Variants in SLC35F1 observed in about 807,000 individuals in gnomAD.
The protein encoded by SLC35F1 is chromosome 6 open reading frame 169.
A neutral mutation model predicts 48.7 loss-of-function variants in SLC35F1; 14 were observed. The ratio of observed to expected loss-of-function variants is 0.29; its 90% CI spans 0.19 to 0.45. The LOEUF is 0.45. Among genes scored for constraint, SLC35F1 ranks in the 20% least tolerant of loss-of-function variants. The probability of loss-of-function intolerance (pLI) is 1.00; values close to 1 mark genes in which losing one functional copy is unlikely to be tolerated. For synonymous variants in SLC35F1, 190 were observed against 202.2 expected (o/e 0.94, Z 0.51); for missense variants, 404 against 500.0 (o/e 0.81, Z 1.83).
intron 2 of SLC35F1, 48 bp downstream of exon 2, chr6:118,154,668 A>G (rs755931244): frequency 3.3e-6 from 5 of 1,531,696 alleles, no homozygotes; most frequent in Non-Finnish European, 2.7e-6. Context: ...AACACCTAAA[A>G]AAAAGATGAG....
At chr6:118,092,291 G>T (rs1366627578) in intron 1 of SLC35F1, among the ~76,000 whole-genome samples, 4 of 152,290 alleles carry the variant, frequency 2.6e-5, no homozygotes, top group Non-Finnish European at 4.4e-5. Flanking sequence ...GGGAAAAATG[G>T]TTTCATGGGC....
chr6:118,071,447 A>G (rs1334101503), intron 1 of SLC35F1, among the ~76,000 whole-genome samples: 1 of 151,720 alleles, frequency 6.6e-6, no homozygotes, highest in Non-Finnish European at 1.5e-5. Context: ...CCATCCCTCC[A>G]TATTTCAGCT....
intron 1 of SLC35F1, among the ~76,000 whole-genome samples, chr6:118,147,870 T>G (rs1344240588): frequency 1.3e-5 from 2 of 152,174 alleles, no homozygotes. Context: ...TTCAAGTCCA[T>G]GAATGCAGAA....
chr6:117,927,449 G>T (rs929389041), intron 1 of SLC35F1, among the ~76,000 whole-genome samples: 1 of 152,162 alleles, frequency 6.6e-6, no homozygotes, highest in African/African-American at 2.4e-5. Flanking sequence ...AAAGCAGAAG[G>T]TGTGCTTATT....
At chr6:118,035,988 A>G (rs1293513475) in intron 1 of SLC35F1, among the ~76,000 whole-genome samples, 1 of 152,116 alleles carries the variant, frequency 6.6e-6, no homozygotes, top group African/African-American at 2.4e-5. Context: ...CACCGCACCC[A>G]GACAAGGCTT....
At chr6:117,944,666 T>A (rs1230510738) in intron 1 of SLC35F1, among the ~76,000 whole-genome samples, 1 of 151,824 alleles carries the variant, frequency 6.6e-6, no homozygotes, top group Non-Finnish European at 1.5e-5. Context: ...ATTAGTTGAT[T>A]TGTTTCAACT....
At chr6:118,291,374 A>T (rs1457851333) in intron 7 of SLC35F1, among the ~76,000 whole-genome samples, 1 of 152,008 alleles carries the variant, frequency 6.6e-6, no homozygotes, top group Non-Finnish European at 1.5e-5. Flanking sequence ...AAAGTATTTA[A>T]ATCCTTTCCC....
At chr6:117,999,598 A>G (rs1209909406) in intron 1 of SLC35F1, 4 of 588,676 alleles carry the variant, frequency 6.8e-6, no homozygotes, top group Non-Finnish European at 8.6e-6. Flanking sequence ...ACCTAAAATC[A>G]GAGCAGAACT....
At chr6:118,089,607 A>T (rs1773042965) in intron 1 of SLC35F1, among the ~76,000 whole-genome samples, 1 of 152,178 alleles carries the variant, frequency 6.6e-6, no homozygotes, top group Non-Finnish European at 1.5e-5. Flanking sequence ...AAAAAACAAA[A>T]TCAACAACAC....
At chr6:118,310,474 T>A (rs1311503275) in intron 7 of SLC35F1, among the ~76,000 whole-genome samples, 1 of 152,228 alleles carries the variant, frequency 6.6e-6, no homozygotes, top group Admixed American at 6.5e-5. Flanking sequence ...TTTCTTTTTC[T>A]TAATTAAACT....
In SLC35F1 at chr6:117,954,473, A is replaced by T. The variant is rs145928185; in HGVS notation, c.173+46574A>T. 1.6e-3 allele frequency among the ~76,000 whole-genome samples: 240 copies of T among 152,240 alleles called. 2 individuals carry two copies. The highest frequency in any genetic ancestry group is 1.8e-3 in the Non-Finnish European group (122 of 68,012). ...GGGGTTTTACCATTTTGGTTAAGCC[A>T]GTCTTGAACTCCTGACATCAGGTGA... is the stretch of plus-strand genomic sequence containing the variant. On this transcript the variant is annotated intron_variant, in intron 1 of 7. Coordinates refer to ENST00000360388, the MANE Select transcript of SLC35F1 (RefSeq NM_001029858.4).
intron 1 of SLC35F1, among the ~76,000 whole-genome samples, chr6:118,007,313 A>G (rs900803808): frequency 6.6e-6 from 1 of 152,132 alleles, no homozygotes; most frequent in Non-Finnish European, 1.5e-5. Context: ...AAAGACCCCC[A>G]CCTTTCAATA....
chr6:118,272,123 A>G (rs1311541243), intron 4 of SLC35F1, among the ~76,000 whole-genome samples: 2 of 152,216 alleles, frequency 1.3e-5, no homozygotes, highest in Non-Finnish European at 2.9e-5. Context: ...TTTATTGAGA[A>G]TGTATAATGC....
In SLC35F1 at chr6:118,314,278, G is replaced by A; in HGVS notation, c.*26G>A. ...GGTGAGGCCCGCCCTGCCAACTGAGGCCAACTCATTGGCCATGTTTTTGCC... is the reference window on the plus strand; with the variant it reads ...GGTGAGGCCCGCCCTGCCAACTGAGACCAACTCATTGGCCATGTTTTTGCC... On this transcript the variant is annotated 3_prime_UTR_variant, in exon 8 of 8. Coordinates refer to ENST00000360388, the MANE Select transcript of SLC35F1 (RefSeq NM_001029858.4). The A allele has an allele frequency of 3.7e-6, 6 of 1,601,176 alleles. No individual in the cohort carries two copies. The highest frequency in any genetic ancestry group is 5.1e-6 in the Non-Finnish European group (6 of 1,168,454).
intron 1 of SLC35F1, among the ~76,000 whole-genome samples, chr6:117,977,259 C>T (rs536717711): frequency 2.0e-5 from 3 of 150,150 alleles, no homozygotes; most frequent in African/African-American, 7.3e-5. Flanking sequence ...TGCAATGGTG[C>T]GATCTCGGCC....
At chr6:118,223,175 T>C (rs1775173139) in intron 2 of SLC35F1, among the ~76,000 whole-genome samples, 1 of 152,212 alleles carries the variant, frequency 6.6e-6, no homozygotes, top group African/African-American at 2.4e-5. Context: ...TTTTATTAAA[T>C]GTGCCATGCA....
chr6:118,085,403 G>A (rs1772972252), intron 1 of SLC35F1, among the ~76,000 whole-genome samples: 1 of 150,244 alleles, frequency 6.7e-6, no homozygotes, highest in African/African-American at 2.5e-5. Flanking sequence ...TGTCCTTTGC[G>A]CAAAGCCTAT....
chr6:118,084,146 GC>G (rs1772951062), intron 1 of SLC35F1, among the ~76,000 whole-genome samples: 1 of 152,148 alleles, frequency 6.6e-6, no homozygotes, highest in Non-Finnish European at 1.5e-5. Flanking sequence ...TGGGATTTTA[GC>G]CCAGTCTGGC....
chr6:118,193,881 C>T (rs1419236683), intron 2 of SLC35F1, among the ~76,000 whole-genome samples: 4 of 152,112 alleles, frequency 2.6e-5, no homozygotes, highest in African/African-American at 9.7e-5. Context: ...TTTAGCAAAC[C>T]TAATATCTGA....
Sources: gnomAD v4.1 joint callset for allele counts (sites outside exome capture counted in the v4.1 genomes callset) on GRCh38, gnomAD v4.1.1 for gene constraint, MANE v1.5 for transcripts, NCBI Gene and HGNC (gene_info 2026-07-23, HGNC 2026-07-21) for gene names.